KHDRBS2: variants seen among roughly 807,000 people sequenced by gnomAD.
KHDRBS2 encodes KH domain-containing, RNA-binding, signal transduction-associated protein 2.
KHDRBS2 carries 26 observed loss-of-function variants against 44.3 expected under a neutral mutation model. That is an observed-to-expected ratio of 0.59 (90% CI 0.43 to 0.81). KHDRBS2 has a LOEUF of 0.81. Among genes scored for constraint, KHDRBS2 ranks in the 40% least tolerant of loss-of-function variants. KHDRBS2 has a pLI of 0.00. For synonymous variants in KHDRBS2, 194 were observed against 151.1 expected (o/e 1.28, Z -2.08); for missense variants, 476 against 433.1 (o/e 1.10, Z -0.88).
At chr6:62,022,546 T>C (rs1477319140) in intron 3 of KHDRBS2, among the ~76,000 whole-genome samples, 1 of 151,776 alleles carries the variant, frequency 6.6e-6, no homozygotes, top group African/African-American at 2.4e-5. Flanking sequence ...GACAACTAAG[T>C]TTATAATGAC....
intron 6 of KHDRBS2, among the ~76,000 whole-genome samples, chr6:61,806,730 G>A (rs1479218584): frequency 2.7e-5 from 4 of 150,840 alleles, no homozygotes; most frequent in Admixed American, 1.3e-4. Flanking sequence ...GTTTTGTTTT[G>A]CCTTCTATTA....
At chr6:62,248,016 A>T (rs1255330151) in intron 1 of KHDRBS2, among the ~76,000 whole-genome samples, 2 of 152,104 alleles carry the variant, frequency 1.3e-5, no homozygotes, top group Admixed American at 1.3e-4. Flanking sequence ...CAGCCTCTAA[A>T]TTATTTTTAG....
chr6:61,648,123 C>T, the KHDRBS2 span, among the ~76,000 whole-genome samples: 1 of 151,922 alleles, frequency 6.6e-6, no homozygotes, highest in Non-Finnish European at 1.5e-5. Context: ...TTTTATTTTA[C>T]ATTTAAGAAA....
chr6:62,071,073 A>G (rs533967533), intron 2 of KHDRBS2, among the ~76,000 whole-genome samples: 39 of 151,996 alleles, frequency 2.6e-4, no homozygotes, highest in Non-Finnish European at 4.7e-4. Context: ...TTTGATTTGC[A>G]TTTCTCTGAT....
intron 2 of KHDRBS2, among the ~76,000 whole-genome samples, chr6:62,065,786 A>G (rs1344992186): frequency 1.3e-5 from 2 of 152,072 alleles, no homozygotes; most frequent in Non-Finnish European, 2.9e-5. Context: ...AGTATAAAAA[A>G]AAAAAAAGAA....
chr6:62,182,741 C>T (rs1822594222), intron 1 of KHDRBS2, among the ~76,000 whole-genome samples: 1 of 151,736 alleles, frequency 6.6e-6, no homozygotes, highest in African/African-American at 2.4e-5. Context: ...GCAAGTCATA[C>T]TATATAATTC....
intron 2 of KHDRBS2, among the ~76,000 whole-genome samples, chr6:62,089,475 G>A (rs1007551527): frequency 6.6e-6 from 1 of 152,206 alleles, no homozygotes; most frequent in South Asian, 2.1e-4. Flanking sequence ...CCTTGGCTAG[G>A]AGAAGGAGTT....
intron 6 of KHDRBS2, among the ~76,000 whole-genome samples, chr6:61,749,264 C>T (rs1414064409): frequency 2.0e-5 from 3 of 151,978 alleles, no homozygotes; most frequent in Non-Finnish European, 4.4e-5. Flanking sequence ...CCACATGCCT[C>T]GGCCTCCTAA....
chr6:61,612,542 A>G, the KHDRBS2 span, among the ~76,000 whole-genome samples: 10 of 152,358 alleles, frequency 6.6e-5, no homozygotes, highest in Admixed American at 6.5e-4. Context: ...AGGGCAAATA[A>G]GACAATGCTT....
chr6:61,625,515 TTC>T, the KHDRBS2 span, among the ~76,000 whole-genome samples: 1 of 151,964 alleles, frequency 6.6e-6, no homozygotes, highest in Non-Finnish European at 1.5e-5. Context: ...GTTCATGCTC[TTC>T]CTGGGCTGTC....
chr6:61,877,969 A>C (rs1799677428), intron 6 of KHDRBS2, among the ~76,000 whole-genome samples: 1 of 152,036 alleles, frequency 6.6e-6, no homozygotes, highest in South Asian at 2.1e-4. Context: ...AAAAAGAAAT[A>C]TGATAAAATT....
chr6:62,050,417 A>T (rs545735681), intron 2 of KHDRBS2, among the ~76,000 whole-genome samples: 91 of 117,474 alleles, frequency 7.7e-4, no homozygotes, highest in African/African-American at 2.5e-3. Context: ...CATGTATCCC[A>T]GAACTTAAAG....
intron 1 of KHDRBS2, among the ~76,000 whole-genome samples, chr6:62,215,006 C>G (rs1013951806): frequency 2.1e-4 from 32 of 151,670 alleles, no homozygotes; most frequent in African/African-American, 7.3e-4. Flanking sequence ...AATTTAAAAT[C>G]CATCCAAAAT....
chr6:62,021,820 T>C (rs950594466), intron 3 of KHDRBS2, among the ~76,000 whole-genome samples: 5 of 151,554 alleles, frequency 3.3e-5, no homozygotes, highest in African/African-American at 1.2e-4. Flanking sequence ...CACACATTTT[T>C]CTACTGACTT....
At chr6:62,145,997 C>T (rs1398554762) in intron 2 of KHDRBS2, among the ~76,000 whole-genome samples, 1 of 151,854 alleles carries the variant, frequency 6.6e-6, no homozygotes, top group Non-Finnish European at 1.5e-5. Context: ...ATATATCTTC[C>T]TTTCAGTTTC....
At chr6:62,216,723 A>G (rs1830054536) in intron 1 of KHDRBS2, among the ~76,000 whole-genome samples, 1 of 145,996 alleles carries the variant, frequency 6.8e-6, no homozygotes. Context: ...TTTATTAAGC[A>G]CTTAACGTTT....
At chr6:62,191,936 T>C (rs569463434) in intron 1 of KHDRBS2, among the ~76,000 whole-genome samples, 1 of 152,208 alleles carries the variant, frequency 6.6e-6, no homozygotes, top group East Asian at 1.9e-4. Context: ...TTAACAACCT[T>C]ATTGATCAGT....
chr6:61,776,121 A>G (rs1236201988), intron 6 of KHDRBS2, among the ~76,000 whole-genome samples: 2 of 152,160 alleles, frequency 1.3e-5, no homozygotes, highest in Non-Finnish European at 2.9e-5. Flanking sequence ...CCTTCCTTAC[A>G]CCTTATACAA....
At chr6:61,736,206 T>C (rs1002403608) in intron 6 of KHDRBS2, among the ~76,000 whole-genome samples, 90 of 66,702 alleles carry the variant, frequency 1.3e-3, no homozygotes, top group African/African-American at 4.1e-3. Flanking sequence ...TTCTTTTTAC[T>C]TTACTTCACA....
Sources: allele counts gnomAD v4.1 joint callset (sites outside exome capture counted in the v4.1 genomes callset), GRCh38; gene constraint gnomAD v4.1.1; transcripts MANE v1.5; gene names NCBI Gene and HGNC (gene_info 2026-07-23, HGNC 2026-07-21).